The following SLC25A44 variants were observed in gnomAD, a reference collection of about 807,000 sequenced individuals.
The protein encoded by SLC25A44 is solute carrier family 25, member 44.
A neutral mutation model predicts 29.9 loss-of-function variants in SLC25A44; 17 were observed. The ratio of observed to expected loss-of-function variants is 0.57; its 90% CI spans 0.39 to 0.85. SLC25A44 has a LOEUF of 0.85. SLC25A44 is among the 40% of genes least tolerant of loss of function. The pLI is 0.00. For synonymous variants in SLC25A44, 140 were observed against 151.8 expected (o/e 0.92, Z 0.57); for missense variants, 302 against 398.4 (o/e 0.76, Z 2.06).
In SLC25A44 at chr1:156,210,265, T is replaced by C; in HGVS notation, c.779T>C (p.Leu260Pro). 1 of 1,573,732 alleles carries C rather than the reference T, an allele frequency of 6.4e-7. No homozygotes were observed. Among genetic ancestry groups the C allele is most frequent in the East Asian group, 2.3e-5 (1 of 43,022 alleles). Residue 260 changes from leucine to proline, a missense_variant, in exon 4 of 4, where the codon CTG (leucine) becomes CCG (proline). Coordinates refer to ENST00000359511, the MANE Select transcript of SLC25A44 (RefSeq NM_014655.4). Reference sequence around the variant, plus strand: ...GTTGAGGGCAAGAACTCCATCATCCTGACCTTCAGACAGCTGATGGCAGAA... The same window carrying C: ...GTTGAGGGCAAGAACTCCATCATCCCGACCTTCAGACAGCTGATGGCAGAA... Reference protein sequence around the residue: ...VQVEGKNSIILTFRQLMAEEG... With the variant: ...VQVEGKNSIIPTFRQLMAEEG...
intron 3 of SLC25A44, 99 bp from the exon 4 acceptor site, chr1:156,210,141 C>A: frequency 1.2e-6 from 1 of 808,618 alleles, no homozygotes; most frequent in Non-Finnish European, 2.0e-6. Flanking sequence ...CTTCCGACGT[C>A]GGAGTCTGGT....
intron 3 of SLC25A44, among the ~76,000 whole-genome samples, chr1:156,209,660 T>TG (rs1386537035): frequency 6.6e-6 from 1 of 152,000 alleles, no homozygotes; most frequent in Non-Finnish European, 1.5e-5. Context: ...TATTTGTTCA[T>TG]GGGGTGTGTG....
chr1:156,208,146 AG>A, intron 3 of SLC25A44, 133 bp downstream of exon 3: 1 of 760,678 alleles, frequency 1.3e-6, no homozygotes, highest in South Asian at 1.7e-5. Flanking sequence ...TGAACATCTA[AG>A]CCCCTTCTGT....
intron 2 of SLC25A44, among the ~76,000 whole-genome samples, chr1:156,202,676 T>C (rs1358345572): frequency 2.6e-5 from 4 of 152,228 alleles, no homozygotes; most frequent in Admixed American, 2.0e-4. Flanking sequence ...CCCCATGACA[T>C]TGAATCTTTC....
At chr1:156,206,624 C>A (rs913209873) in intron 2 of SLC25A44, among the ~76,000 whole-genome samples, 1 of 152,144 alleles carries the variant, frequency 6.6e-6, no homozygotes, top group African/African-American at 2.4e-5. Flanking sequence ...CCTCTACTTC[C>A]AGGACTCAGG....
At chr1:156,200,517 A>G (rs1204498860) in intron 2 of SLC25A44, 45 bp downstream of exon 2, 2 of 1,528,394 alleles carry the variant, frequency 1.3e-6, no homozygotes, top group South Asian at 2.4e-5. Context: ...GGGATTTCTA[A>G]TGGGGCTGAG....
rs1311702274 is a variant in SLC25A44 at position 156,210,584 on chromosome 1, C to T, written c.*153C>T. 11 of 457,946 alleles carry T rather than the reference C, an allele frequency of 2.4e-5. No homozygotes were observed. In the East Asian group the frequency reaches 3.5e-4, roughly 15 times the overall value. 28.4% of individuals were successfully genotyped at this position (457,946 alleles called of 1,614,324 possible). ...CTGGGATAGGGATAGAGACTTTGAACTGCTCTTGCTGAAGAGGCTCCACGC... is the reference window on the plus strand; with the variant it reads ...CTGGGATAGGGATAGAGACTTTGAATTGCTCTTGCTGAAGAGGCTCCACGC... On this transcript the variant is annotated 3_prime_UTR_variant, in exon 4 of 4. Coordinates refer to ENST00000359511, the MANE Select transcript of SLC25A44 (RefSeq NM_014655.4).
intron 2 of SLC25A44, among the ~76,000 whole-genome samples, chr1:156,204,585 C>CA (rs1312184290): frequency 1.2e-4 from 18 of 152,026 alleles, no homozygotes; most frequent in Admixed American, 1.2e-3. Context: ...CTCCCAGGTT[C>CA]AAGCAATTCT....
chr1:156,210,135 C>G (rs1007240552), intron 3 of SLC25A44, 105 bp from the exon 4 acceptor site: 2 of 765,912 alleles, frequency 2.6e-6, no homozygotes, highest in Non-Finnish European at 4.2e-6. Context: ...CCACACCTTC[C>G]GACGTCGGAG....
intron 2 of SLC25A44, 116 bp from the exon 3 acceptor site, chr1:156,207,770 T>G: frequency 4.7e-6 from 5 of 1,070,412 alleles, no homozygotes; most frequent in South Asian, 4.6e-5. Context: ...ACTTAGGTGG[T>G]GAAGGGTGGA....
At chr1:156,205,681 G>T (rs904471196) in intron 2 of SLC25A44, among the ~76,000 whole-genome samples, 1 of 152,132 alleles carries the variant, frequency 6.6e-6, no homozygotes, top group Non-Finnish European at 1.5e-5. Flanking sequence ...CCCTTCCACT[G>T]TTGGCCTCCC....
At chr1:156,200,533 G>A in intron 2 of SLC25A44, 61 bp downstream of exon 2, 1 of 1,460,182 alleles carries the variant, frequency 6.8e-7, no homozygotes, top group Admixed American at 2.0e-5. Context: ...CTGAGATACT[G>A]TTGCTTTGTG....
chr1:156,194,848 G>C (rs901108119), intron 1 of SLC25A44, among the ~76,000 whole-genome samples: 1 of 152,136 alleles, frequency 6.6e-6, no homozygotes, highest in Non-Finnish European at 1.5e-5. Context: ...GTCAGGAGTT[G>C]TAGAAGATGA....
Position 156,207,949 on chromosome 1 carries a change from C to T in SLC25A44, c.689C>T (p.Pro230Leu). 1 of 1,614,056 alleles carries T rather than the reference C, an allele frequency of 6.2e-7. No homozygotes were observed. Among genetic ancestry groups the T allele is most frequent in the Non-Finnish European group, 8.5e-7 (1 of 1,179,976 alleles). The change falls in exon 3 of 4, where the codon CCC (proline) becomes CTC (leucine). Residue 230 changes from proline (P) to leucine (L), a missense_variant. Coordinates refer to ENST00000359511, the MANE Select transcript of SLC25A44 (RefSeq NM_014655.4). ...PHIVFQAVSG[P>L]LAAATASILT... The stretch of plus-strand genomic sequence containing the variant: ...ATTGTCTTTCAAGCTGTCTCGGGGC[C>T]CCTGGCTGCAGCCACTGCCTCCATC...
rs1272337822 is a variant in SLC25A44 at position 156,200,088 on chromosome 1, A to G, written c.241A>G (p.Thr81Ala). The G allele has an allele frequency of 1.9e-6, 3 of 1,614,010 alleles. No homozygotes were observed. The Admixed American group carries it at 5.0e-5, about 27-fold the overall frequency. ...CCTCTACCGAGGGTTCCTGGTCAAT[A>G]CCTTCACCCTCATCTCTGGCCAGTG... ...TGLYRGFLVNTFTLISGQCYV... is the reference protein window; with the variant it reads ...TGLYRGFLVNAFTLISGQCYV... Residue 81 changes from threonine (T) to alanine (A), a missense_variant, in exon 2 of 4, where the codon ACC (threonine) becomes GCC (alanine). Thr to Ala is a moderately conservative substitution (Grantham distance 58). Transcript: ENST00000359511.
intron 2 of SLC25A44, among the ~76,000 whole-genome samples, chr1:156,206,555 C>T (rs1186118833): frequency 2.0e-5 from 3 of 150,922 alleles, no homozygotes; most frequent in African/African-American, 7.3e-5. Context: ...TTCTTTGAGA[C>T]AGGGTCTTAC....
chr1:156,199,866 A>G lies in SLC25A44; in HGVS notation c.19A>G (p.Ile7Val). 6.2e-7 allele frequency: 1 copy of G among 1,613,906 alleles called. No homozygotes were observed. The highest frequency in any genetic ancestry group is 8.5e-7 in the Non-Finnish European group (1 of 1,179,864). MEDKRN[I>V]QIIEWEHLDK... ...AGGCACCATGGAGGACAAACGCAAC[A>G]TCCAGATCATCGAGTGGGAACACCT... The change falls in exon 2 of 4, where the codon ATC becomes GTC. Residue 7 changes from isoleucine to valine, a missense_variant. Ile to Val is a conservative substitution (Grantham distance 29). Transcript: ENST00000359511.
intron 2 of SLC25A44, among the ~76,000 whole-genome samples, chr1:156,206,176 C>T (rs1656913676): frequency 6.6e-6 from 1 of 151,822 alleles, no homozygotes; most frequent in Non-Finnish European, 1.5e-5. Context: ...GAAAAGGCTC[C>T]TTACCCACCT....
At chr1:156,207,461 G>C (rs1447374952) in intron 2 of SLC25A44, among the ~76,000 whole-genome samples, 1 of 151,290 alleles carries the variant, frequency 6.6e-6, no homozygotes, top group Non-Finnish European at 1.5e-5. Flanking sequence ...TTACAGGCGT[G>C]AGCCGCCGCG....
Sources: allele counts gnomAD v4.1 joint callset (sites outside exome capture counted in the v4.1 genomes callset), GRCh38; gene constraint gnomAD v4.1.1; transcripts MANE v1.5; gene names NCBI Gene and HGNC (gene_info 2026-07-23, HGNC 2026-07-21).